SLC35F1: variants seen among roughly 807,000 people sequenced by gnomAD.
The protein encoded by SLC35F1 is chromosome 6 open reading frame 169.
SLC35F1 carries 14 observed loss-of-function variants against 48.7 expected under a neutral mutation model. The ratio of observed to expected loss-of-function variants is 0.29; its 90% CI spans 0.19 to 0.45. SLC35F1 has a LOEUF of 0.45. SLC35F1 is among the 20% of genes least tolerant of loss of function. The pLI is 1.00. For missense variants in SLC35F1, 404 were observed against 500.0 expected (o/e 0.81, Z 1.83); for synonymous variants, 190 against 202.2 (o/e 0.94, Z 0.51).
intron 1 of SLC35F1, chr6:117,998,843 C>A: frequency 1.8e-6 from 1 of 556,234 alleles, no homozygotes; most frequent in Non-Finnish European, 3.2e-6. Context: ...AAAATTGACA[C>A]CCTAACATCA....
chr6:117,968,374 G>A (rs758218047), intron 1 of SLC35F1, among the ~76,000 whole-genome samples: 6 of 152,204 alleles, frequency 3.9e-5, no homozygotes, highest in East Asian at 1.9e-4. Flanking sequence ...ATCAGGAATC[G>A]TACCATTTCA....
chr6:118,073,829 C>T (rs1441579353), intron 1 of SLC35F1, among the ~76,000 whole-genome samples: 3 of 152,038 alleles, frequency 2.0e-5, no homozygotes, highest in Non-Finnish European at 4.4e-5. Context: ...TAGCATAAGA[C>T]AAATTAGTCT....
chr6:118,197,273 T>G (rs1774814733), intron 2 of SLC35F1, among the ~76,000 whole-genome samples: 1 of 152,078 alleles, frequency 6.6e-6, no homozygotes, highest in African/African-American at 2.4e-5. Context: ...TTTCTATTTC[T>G]TTTTTTGTCT....
chr6:118,254,645 C>T (rs281867), intron 3 of SLC35F1, among the ~76,000 whole-genome samples: 83,089 of 152,044 alleles, frequency 0.55, 23,154 homozygotes, highest in African/African-American at 0.63. Flanking sequence ...GTATAAGATG[C>T]TTTCCTCTGG....
intron 1 of SLC35F1, among the ~76,000 whole-genome samples, chr6:117,957,373 C>G (rs1422703742): frequency 6.6e-6 from 1 of 152,112 alleles, no homozygotes; most frequent in African/African-American, 2.4e-5. Flanking sequence ...GAAAAAAGAG[C>G]ATCAAAGTGT....
At chr6:117,992,962 A>G (rs547896126) in intron 1 of SLC35F1, among the ~76,000 whole-genome samples, 2 of 152,330 alleles carry the variant, frequency 1.3e-5, no homozygotes, top group South Asian at 2.1e-4. Flanking sequence ...TCATCCATAA[A>G]AGCTTGTGGA....
chr6:118,129,528 G>A (rs1213608552), intron 1 of SLC35F1, among the ~76,000 whole-genome samples: 1 of 152,140 alleles, frequency 6.6e-6, no homozygotes, highest in African/African-American at 2.4e-5. Context: ...ATGGGAGTGA[G>A]GAGACGAGGT....
chr6:118,267,879 A>G (rs1775797488), intron 4 of SLC35F1, among the ~76,000 whole-genome samples: 1 of 152,172 alleles, frequency 6.6e-6, no homozygotes, highest in African/African-American at 2.4e-5. Flanking sequence ...AAAGCATTGC[A>G]ATTCTTTAAA....
intron 1 of SLC35F1, among the ~76,000 whole-genome samples, chr6:118,119,495 C>G (rs1582675909): frequency 2.1e-4 from 2 of 9,470 alleles, no homozygotes; most frequent in Admixed American, 1.7e-3. Flanking sequence ...ATAACCGGCG[C>G]CCCCCCTCCA....
chr6:118,197,106 A>T (rs144987509), intron 2 of SLC35F1, among the ~76,000 whole-genome samples: 305 of 152,248 alleles, frequency 2.0e-3, no homozygotes, highest in Non-Finnish European at 2.9e-3. Context: ...CAAAACATCA[A>T]GTTTTACACC....
chr6:118,274,935 T>C (rs1361823506), intron 4 of SLC35F1, among the ~76,000 whole-genome samples: 1 of 152,166 alleles, frequency 6.6e-6, no homozygotes, highest in Non-Finnish European at 1.5e-5. Flanking sequence ...TGTATACTGA[T>C]TCTGTTTGTT....
chr6:118,289,264 G>A (rs1220496876), intron 7 of SLC35F1, among the ~76,000 whole-genome samples: 1 of 152,136 alleles, frequency 6.6e-6, no homozygotes, highest in African/African-American at 2.4e-5. Flanking sequence ...GGACATCTGG[G>A]CATCTCTACT....
intron 1 of SLC35F1, among the ~76,000 whole-genome samples, chr6:118,076,192 C>A (rs1772815415): frequency 6.6e-6 from 1 of 152,202 alleles, no homozygotes; most frequent in Middle Eastern, 3.4e-3. Flanking sequence ...CTTTTCTCAC[C>A]CCCAAATTAC....
chr6:117,998,454 CA>C (rs1777034645), intron 1 of SLC35F1, among the ~76,000 whole-genome samples: 1 of 152,142 alleles, frequency 6.6e-6, no homozygotes, highest in South Asian at 2.1e-4. Flanking sequence ...CTCTCCACCC[CA>C]AATCAACAGA....
intron 3 of SLC35F1, among the ~76,000 whole-genome samples, chr6:118,261,940 C>A (rs1039040383): frequency 2.6e-5 from 4 of 152,202 alleles, no homozygotes; most frequent in African/African-American, 4.8e-5. Context: ...TGCTCCACAG[C>A]CTGTGCCTCT....
At position 117,907,735 on chromosome 6, in the gene SLC35F1, C is replaced by G. The variant is rs745760597; in HGVS notation, c.9C>G (p.Pro3=). 17 of 1,539,414 alleles carry G rather than the reference C, an allele frequency of 1.1e-5. No individual in the cohort carries two copies. Among genetic ancestry groups the G allele is most frequent in the Non-Finnish European group, 1.5e-5 (17 of 1,148,312 alleles). Residue 3 remains proline, a synonymous_variant, in exon 1 of 8, where the codon CCC becomes CCG. Coordinates refer to ENST00000360388, the MANE Select transcript of SLC35F1 (RefSeq NM_001029858.4). MI[P]PEQPQQQLQP... ...CCTCAGCCTCTGCCGCGATGATCCC[C>G]CCTGAGCAGCCGCAGCAGCAGCTGC...
At chr6:118,254,195 G>A (rs546998254) in intron 3 of SLC35F1, among the ~76,000 whole-genome samples, 1 of 152,238 alleles carries the variant, frequency 6.6e-6, no homozygotes, top group Non-Finnish European at 1.5e-5. Context: ...ATTCACGCCG[G>A]TATCCTCTGC....
intron 1 of SLC35F1, among the ~76,000 whole-genome samples, chr6:117,940,370 T>A (rs1776214839): frequency 6.6e-6 from 1 of 152,226 alleles, no homozygotes; most frequent in African/African-American, 2.4e-5. Flanking sequence ...TAGGACTGTC[T>A]GTACGTGCTG....
At chr6:118,072,335 C>T (rs933896619) in intron 1 of SLC35F1, among the ~76,000 whole-genome samples, 26 of 152,098 alleles carry the variant, frequency 1.7e-4, no homozygotes, top group African/African-American at 4.6e-4. Flanking sequence ...GAGGCTGAGG[C>T]GGGTGGATCA....
Sources: gnomAD v4.1 joint callset for allele counts (sites outside exome capture counted in the v4.1 genomes callset) on GRCh38, gnomAD v4.1.1 for gene constraint, MANE v1.5 for transcripts, NCBI Gene and HGNC (gene_info 2026-07-23, HGNC 2026-07-21) for gene names.